RFX3: variants seen among roughly 807,000 people sequenced by gnomAD.
RFX3 encodes transcription factor RFX3.
In RFX3, 14 loss-of-function variants were observed where a neutral mutation model predicts 98.6. The ratio of observed to expected loss-of-function variants is 0.14; its 90% CI spans 0.09 to 0.22. RFX3 has a LOEUF of 0.22. Among genes scored for constraint, RFX3 ranks in the 10% least tolerant of loss-of-function variants. The pLI is 1.00. For synonymous variants in RFX3, 383 were observed against 328.4 expected (o/e 1.17, Z -1.80); for missense variants, 639 against 926.9 (o/e 0.69, Z 4.03).
intron 1 of RFX3, among the ~76,000 whole-genome samples, chr9:3,512,991 G>C (rs916470904): frequency 1.3e-5 from 2 of 151,956 alleles, no homozygotes; most frequent in Admixed American, 6.6e-5. Context: ...TGTCCACATA[G>C]CTGAGAATAT....
intron 4 of RFX3, among the ~76,000 whole-genome samples, chr9:3,308,274 A>G (rs1394651390): frequency 2.0e-5 from 3 of 152,016 alleles, no homozygotes; most frequent in Non-Finnish European, 4.4e-5. Flanking sequence ...CTCTATGGCA[A>G]CTCCTGTAAG....
chr9:3,493,459 C>A (rs907952485), intron 1 of RFX3, among the ~76,000 whole-genome samples: 17 of 151,836 alleles, frequency 1.1e-4, no homozygotes, highest in Non-Finnish European at 8.8e-5. Context: ...CCGAGGCAGG[C>A]AGATCACGAG....
intron 2 of RFX3, among the ~76,000 whole-genome samples, chr9:3,375,822 T>C (rs1838410120): frequency 6.6e-6 from 1 of 152,058 alleles, no homozygotes; most frequent in South Asian, 2.1e-4. Context: ...TAGCTAGGCA[T>C]GGTGGCACAC....
chr9:3,486,379 G>C (rs1450836450), intron 1 of RFX3, among the ~76,000 whole-genome samples: 1 of 152,016 alleles, frequency 6.6e-6, no homozygotes, highest in African/African-American at 2.4e-5. Context: ...GATTTTAGCT[G>C]GGAGTTTGGA....
chr9:3,418,972 G>A (rs1195011516), intron 1 of RFX3, among the ~76,000 whole-genome samples: 3 of 152,082 alleles, frequency 2.0e-5, no homozygotes, highest in Non-Finnish European at 4.4e-5. Flanking sequence ...TATTAATGTT[G>A]TCCTGCTGCC....
At chr9:3,232,014 C>A in intron 15 of RFX3, among the ~76,000 whole-genome samples, 1 of 151,116 alleles carries the variant, frequency 6.6e-6, no homozygotes. Context: ...GCCTGGGCAA[C>A]AGGAGCGAAA....
At chr9:3,454,657 T>G (rs1846985798) in intron 1 of RFX3, among the ~76,000 whole-genome samples, 1 of 152,186 alleles carries the variant, frequency 6.6e-6, no homozygotes, top group African/African-American at 2.4e-5. Flanking sequence ...CTATTCCAAC[T>G]AGTTAAGACT....
intron 15 of RFX3, among the ~76,000 whole-genome samples, chr9:3,243,466 A>G (rs997492145): frequency 3.3e-5 from 5 of 152,140 alleles, no homozygotes; most frequent in African/African-American, 9.7e-5. Flanking sequence ...TCCATTGTAT[A>G]GCAGTCTTTA....
At chr9:3,321,307 C>T (rs1442693282) in intron 4 of RFX3, among the ~76,000 whole-genome samples, 1 of 152,180 alleles carries the variant, frequency 6.6e-6, no homozygotes, top group Non-Finnish European at 1.5e-5. Flanking sequence ...CGGAAGCACA[C>T]TGACTGAGTC....
intron 12 of RFX3, among the ~76,000 whole-genome samples, chr9:3,263,383 G>T (rs543771414): frequency 6.6e-6 from 1 of 152,116 alleles, no homozygotes; most frequent in Non-Finnish European, 1.5e-5. Context: ...AGTAAGAAAT[G>T]ACTTTGAGTA....
chr9:3,387,013 C>T (rs1839797599), intron 2 of RFX3, among the ~76,000 whole-genome samples: 1 of 152,166 alleles, frequency 6.6e-6, no homozygotes, highest in Non-Finnish European at 1.5e-5. Flanking sequence ...TCTCCCCAGT[C>T]ACCTTCACAG....
intron 1 of RFX3, among the ~76,000 whole-genome samples, chr9:3,467,028 TTATATA>T (rs138952591): frequency 1.0e-4 from 10 of 98,850 alleles, no homozygotes; most frequent in Non-Finnish European, 1.5e-4. Flanking sequence ...ATCTAAAGAA[TTATATA>T]TATATATATA....
intron 1 of RFX3, chr9:3,452,451 G>A (rs1846741922): frequency 1.1e-5 from 2 of 188,482 alleles, no homozygotes; most frequent in East Asian, 3.2e-4. Context: ...TAATAGCTGG[G>A]CCTGGTGACA....
intron 3 of RFX3, among the ~76,000 whole-genome samples, chr9:3,339,305 T>C (rs1181026399): frequency 1.3e-5 from 2 of 152,060 alleles, no homozygotes; most frequent in East Asian, 1.9e-4. Flanking sequence ...GTCAGGGAAA[T>C]AAATATGGAC....
At chr9:3,349,595 C>T (rs954205983) in intron 2 of RFX3, among the ~76,000 whole-genome samples, 3 of 152,072 alleles carry the variant, frequency 2.0e-5, no homozygotes, top group Non-Finnish European at 4.4e-5. Context: ...ACACCCCCAA[C>T]AGGTAACCAT....
intron 3 of RFX3, among the ~76,000 whole-genome samples, chr9:3,344,138 A>G (rs1427725654): frequency 1.3e-5 from 2 of 152,184 alleles, no homozygotes; most frequent in African/African-American, 4.8e-5. Context: ...ATTTAGAATC[A>G]TTAAGTAGTA....
intron 4 of RFX3, among the ~76,000 whole-genome samples, chr9:3,314,955 G>A (rs1830417322): frequency 6.6e-6 from 1 of 152,076 alleles, no homozygotes; most frequent in Non-Finnish European, 1.5e-5. Context: ...GTCAACATTA[G>A]ACAGATCAAC....
At chr9:3,436,711 CAGG>C (rs1291871882) in intron 1 of RFX3, among the ~76,000 whole-genome samples, 2 of 151,906 alleles carry the variant, frequency 1.3e-5, no homozygotes, top group African/African-American at 4.8e-5. Flanking sequence ...CCAAAAGAAA[CAGG>C]AGAAGAGAGC....
chr9:3,503,025 G>C (rs1564181413), intron 1 of RFX3, among the ~76,000 whole-genome samples: 1 of 152,156 alleles, frequency 6.6e-6, no homozygotes, highest in African/African-American at 2.4e-5. Context: ...AGACTCATTG[G>C]TCACCAAAGT....
Sources: gnomAD v4.1 joint callset for allele counts (sites outside exome capture counted in the v4.1 genomes callset) on GRCh38, gnomAD v4.1.1 for gene constraint, MANE v1.5 for transcripts, NCBI Gene and HGNC (gene_info 2026-07-23, HGNC 2026-07-21) for gene names.